ADRA1B: variants seen among roughly 807,000 people sequenced by gnomAD.
The protein encoded by ADRA1B is alpha-1B adrenergic receptor.
ADRA1B carries 17 observed loss-of-function variants against 17.9 expected under a neutral mutation model. The ratio of observed to expected loss-of-function variants is 0.95; its 90% CI spans 0.65 to 1.42. The LOEUF (loss-of-function observed/expected upper bound fraction) is 1.42, where lower values mean the gene tolerates loss of function less well. ADRA1B is among the 40% of genes most tolerant of loss of function. The pLI, the probability that ADRA1B is intolerant of heterozygous loss-of-function variation, is 0.00. For missense variants in ADRA1B, 681 were observed against 722.1 expected, an observed-to-expected ratio of 0.94 and a Z score of 0.65; for synonymous variants, 366 against 327.6, an observed-to-expected ratio of 1.12 and a Z score of -1.27.
Position 159,916,789 on chromosome 5 carries a change from A to G in ADRA1B, c.-117A>G. 1 of 1,000,634 alleles carries G rather than the reference A, an allele frequency of 1.0e-6. No homozygotes were observed. The highest frequency in any genetic ancestry group is 1.5e-6 in the Non-Finnish European group (1 of 685,574). 62.0% of individuals were successfully genotyped at this position (1,000,634 alleles called of 1,614,324 possible). A position where few individuals can be genotyped will look rare whatever the true frequency, so the allele number is the denominator to read the frequency against. On this transcript the variant is annotated 5_prime_UTR_variant, in exon 1 of 2. Coordinates refer to ENST00000306675, the MANE Select transcript of ADRA1B (RefSeq NM_000679.4). Reference sequence around the variant, plus strand: ...CCGGGGGAGATGACTCCTCGCCAGGAGGGCGCCTCTGGGAAGAAGACCACG... The same window carrying G: ...CCGGGGGAGATGACTCCTCGCCAGGGGGGCGCCTCTGGGAAGAAGACCACG...
chr5:159,929,577 C>CT (rs1224709646), intron 1 of ADRA1B, among the ~76,000 whole-genome samples: 4 of 151,598 alleles, frequency 2.6e-5, no homozygotes, highest in Admixed American at 6.6e-5. Context: ...ATTTTCTATA[C>CT]TTTTTTTCTT....
chr5:159,892,677 C>T (rs181484942), intron 1 of ADRA1B, among the ~76,000 whole-genome samples: 52 of 152,314 alleles, frequency 3.4e-4, no homozygotes, highest in Admixed American at 1.0e-3. Flanking sequence ...CTCCCTTTTA[C>T]GGCTGCATAG....
At chr5:159,951,161 C>A in intron 1 of ADRA1B, 1 of 751,332 alleles carries the variant, frequency 1.3e-6, no homozygotes. Context: ...TGTAGCTCCT[C>A]CCTGCAAGTC....
chr5:159,877,521 A>C (rs920256086), intron 1 of ADRA1B, among the ~76,000 whole-genome samples: 1 of 151,972 alleles, frequency 6.6e-6, no homozygotes, highest in Admixed American at 6.5e-5. Flanking sequence ...CCTTCTAAAC[A>C]CTTTCATATC....
At chr5:159,967,747 G>T (rs1454964486) in intron 1 of ADRA1B, among the ~76,000 whole-genome samples, 1 of 152,148 alleles carries the variant, frequency 6.6e-6, no homozygotes, top group African/African-American at 2.4e-5. Flanking sequence ...GGAATAAACA[G>T]TGTAATGAGC....
chr5:159,887,726 G>C (rs140411051), intron 1 of ADRA1B, among the ~76,000 whole-genome samples: 78 of 152,256 alleles, frequency 5.1e-4, no homozygotes, highest in Non-Finnish European at 9.1e-4. Context: ...CTTTGAGCTG[G>C]AAGTTTTATT....
chr5:159,908,553 A>C (rs750472535), intron 1 of ADRA1B, among the ~76,000 whole-genome samples: 2 of 151,696 alleles, frequency 1.3e-5, no homozygotes, highest in Non-Finnish European at 2.9e-5. Context: ...TTCCCCTTCC[A>C]CTATGGAGTG....
At chr5:159,940,562 C>T (rs2113229341) in intron 1 of ADRA1B, among the ~76,000 whole-genome samples, 1 of 152,290 alleles carries the variant, frequency 6.6e-6, no homozygotes, top group South Asian at 2.1e-4. Flanking sequence ...TTTGTCTCCC[C>T]CACTGCACAG....
At chr5:159,868,593 G>A (rs909752303) in intron 1 of ADRA1B, 2 of 152,196 alleles carry the variant, frequency 1.3e-5, no homozygotes, top group African/African-American at 4.8e-5. Context: ...AAACGATTTG[G>A]TGGATAGAAG....
rs531693377 is a variant in ADRA1B, at chr5:159,891,030, C to T, written c.-255-25089C>T. 2.6e-5 allele frequency among the ~76,000 whole-genome samples: 4 copies of T among 152,276 alleles called. No homozygotes were observed. The South Asian group carries it at 8.3e-4, about 32-fold the overall frequency. ...CTGCACCTGCCATTCTAACTATATCCCCTCAGTGAGTCCAGAATATCCTAC... is the reference window on the plus strand; with the variant it reads ...CTGCACCTGCCATTCTAACTATATCTCCTCAGTGAGTCCAGAATATCCTAC... On this transcript the variant is annotated intron_variant, in intron 1 of 2. Coordinates refer to the ADRA1B transcript ENST00000641205.
At chr5:159,948,128 A>C in intron 1 of ADRA1B, 1 of 985,376 alleles carries the variant, frequency 1.0e-6, no homozygotes, top group Middle Eastern at 5.2e-4. Flanking sequence ...CTCAATCCAT[A>C]CCAGTTCCCT....
intron 1 of ADRA1B, among the ~76,000 whole-genome samples, chr5:159,939,270 AGAGAGAGAGTGT>A (rs1755040771): frequency 1.3e-5 from 1 of 76,154 alleles, no homozygotes; most frequent in Non-Finnish European, 2.4e-5. Flanking sequence ...AGAGAGAGAG[AGAGAGAGAGTGT>A]GTGTGTGTGT....
chr5:159,965,186 G>A (rs552492580), intron 1 of ADRA1B, among the ~76,000 whole-genome samples: 1 of 152,260 alleles, frequency 6.6e-6, no homozygotes, highest in Admixed American at 6.5e-5. Context: ...TTCACCAGTT[G>A]AGTGACCTTG....
intron 1 of ADRA1B, among the ~76,000 whole-genome samples, chr5:159,956,421 T>C (rs1166444219): frequency 6.6e-6 from 1 of 152,182 alleles, no homozygotes; most frequent in African/African-American, 2.4e-5. Context: ...CAGAGGTTTT[T>C]TTAATAGAAA....
At chr5:159,909,769 T>C (rs980830508) in intron 1 of ADRA1B, among the ~76,000 whole-genome samples, 4 of 152,212 alleles carry the variant, frequency 2.6e-5, no homozygotes, top group Non-Finnish European at 5.9e-5. Context: ...TGAAAGAGGT[T>C]ATGCCTAGAC....
intron 1 of ADRA1B, among the ~76,000 whole-genome samples, chr5:159,943,561 C>A (rs1178962063): frequency 6.6e-6 from 1 of 152,038 alleles, no homozygotes; most frequent in Non-Finnish European, 1.5e-5. Flanking sequence ...CCTGTGTAAC[C>A]CGTCAGCATC....
chr5:159,868,875 T>C (rs1753699198), intron 1 of ADRA1B: 1 of 152,116 alleles, frequency 6.6e-6, no homozygotes, highest in Non-Finnish European at 1.5e-5. Context: ...ACCCATCAGG[T>C]TCATGGGAGA....
intron 1 of ADRA1B, among the ~76,000 whole-genome samples, chr5:159,939,278 A>AGAGAGAGAGT (rs1417832136): frequency 2.0e-5 from 2 of 98,314 alleles, no homozygotes; most frequent in East Asian, 3.5e-4. Flanking sequence ...AGAGAGAGAG[A>AGAGAGAGAGT]GTGTGTGTGT....
chr5:159,945,660 A>G (rs1204905464), intron 1 of ADRA1B, among the ~76,000 whole-genome samples: 1 of 152,100 alleles, frequency 6.6e-6, no homozygotes, highest in Non-Finnish European at 1.5e-5. Flanking sequence ...TAGAAAGGTT[A>G]GCATTTTCTC....
Sources: allele counts gnomAD v4.1 joint callset (sites outside exome capture counted in the v4.1 genomes callset), GRCh38; gene constraint gnomAD v4.1.1; transcripts MANE v1.5; gene names NCBI Gene and HGNC (gene_info 2026-07-23, HGNC 2026-07-21).